Variants in ACSL1 observed in about 807,000 individuals in gnomAD.
ACSL1 encodes acyl-CoA synthetase long chain family member 1, also known as long-chain-fatty-acid--CoA ligase 1.
A neutral mutation model predicts 98.4 loss-of-function variants in ACSL1; 41 were observed. The observed-to-expected ratio is 0.42, with a 90% CI of 0.32 to 0.54. The LOEUF (loss-of-function observed/expected upper bound fraction) is 0.54. Among genes scored for constraint, ACSL1 ranks in the 20% least tolerant of loss-of-function variants. ACSL1 has a pLI of 0.13. For synonymous variants in ACSL1, 316 were observed against 322.7 expected, an observed-to-expected ratio of 0.98 and a Z score of 0.22; for missense variants, 734 against 883.1, an observed-to-expected ratio of 0.83 and a Z score of 2.14.
intron 5 of ACSL1, among the ~76,000 whole-genome samples, chr4:184,778,579 G>T (rs992010138): frequency 2.6e-5 from 4 of 152,006 alleles, no homozygotes; most frequent in African/African-American, 7.3e-5. Context: ...TAATCCTTCT[G>T]CCCTGCGCCC....
At chr4:184,797,826 C>A (rs191287135) in intron 2 of ACSL1, among the ~76,000 whole-genome samples, 63 of 152,272 alleles carry the variant, frequency 4.1e-4, no homozygotes, top group East Asian at 7.7e-4. Flanking sequence ...TGGTACTGTG[C>A]ACATCATGCC....
intron 1 of ACSL1, among the ~76,000 whole-genome samples, chr4:184,809,661 T>C (rs1579957629): frequency 6.6e-6 from 1 of 151,268 alleles, no homozygotes; most frequent in Non-Finnish European, 1.5e-5. Flanking sequence ...CCAGGCGTGG[T>C]GGCAGGCGCC....
Position 184,757,056 on chromosome 4 carries a change from A to G in ACSL1, c.*69T>C. Reference sequence around the variant, plus strand: ...ACACTTGCTGTATTCAAAATTAACAACATGAAGGCCATCAGCAGGAGAAGA... The same window carrying G: ...ACACTTGCTGTATTCAAAATTAACAGCATGAAGGCCATCAGCAGGAGAAGA... On this transcript the variant is annotated 3_prime_UTR_variant, in exon 21 of 21. Coordinates refer to ENST00000281455, the MANE Select transcript of ACSL1 (RefSeq NM_001995.5). The surrounding 1 kb of genome is among the most constrained non-coding windows in gnomAD (Gnocchi z 4.5). 6.8e-7 allele frequency: 1 copy of G among 1,479,962 alleles called. No homozygotes were observed. 91.7% of individuals were successfully genotyped at this position (1,479,962 alleles called of 1,614,324 possible).
At chr4:184,790,299 T>A (rs1468175684) in intron 2 of ACSL1, among the ~76,000 whole-genome samples, 2 of 152,252 alleles carry the variant, frequency 1.3e-5, no homozygotes, top group African/African-American at 4.8e-5. Context: ...TTTAAAAACA[T>A]TTAAGTGATA....
intron 4 of ACSL1, among the ~76,000 whole-genome samples, chr4:184,781,577 ATTTTC>A (rs1172171953): frequency 6.6e-6 from 1 of 151,744 alleles, no homozygotes; most frequent in Non-Finnish European, 1.5e-5. Context: ...CTTTGCAGTT[ATTTTC>A]TTTTCCTTTT....
intron 17 of ACSL1, 127 bp from the exon 18 acceptor site, chr4:184,760,627 G>A (rs1762729199): frequency 9.8e-6 from 13 of 1,330,000 alleles, no homozygotes; most frequent in Non-Finnish European, 1.3e-5. Context: ...ATCCCACAGA[G>A]GTCAGTTATG....
chr4:184,822,834 T>C (rs10011975), intron 1 of ACSL1, among the ~76,000 whole-genome samples: 7,994 of 152,276 alleles, frequency 0.052, 689 homozygotes, highest in African/African-American at 0.18. Context: ...TGCCATTATA[T>C]ACAACCCAAG....
intron 1 of ACSL1, among the ~76,000 whole-genome samples, chr4:184,824,205 A>T (rs1003241116): frequency 1.3e-5 from 2 of 152,084 alleles, no homozygotes; most frequent in African/African-American, 4.8e-5. Flanking sequence ...AGCTCATCAC[A>T]ACTTCTGCCT....
chr4:184,809,075 T>C (rs1308920804), intron 1 of ACSL1, among the ~76,000 whole-genome samples: 2 of 152,218 alleles, frequency 1.3e-5, no homozygotes, highest in Non-Finnish European at 2.9e-5. Context: ...CCACTTAATT[T>C]TCATTAAAGT....
At chr4:184,820,264 A>G (rs1180104102) in intron 1 of ACSL1, among the ~76,000 whole-genome samples, 199 of 151,760 alleles carry the variant, frequency 1.3e-3, no homozygotes, top group Admixed American at 3.2e-3. Context: ...TGATCCGCCC[A>G]CCTCGGCCTC....
chr4:184,826,119 C>CGCAGGCCCCGCCCCCG (rs1241485852), upstream of ACSL1: 14 of 127,724 alleles, frequency 1.1e-4, no homozygotes, highest in South Asian at 2.4e-4. Flanking sequence ...CCGCCCCGCC[C>CGCAGGCCCCGCCCCCG]GCAGGCCCCG....
In ACSL1 at chr4:184,766,067, G is replaced by C; in HGVS notation, c.1264-81C>G. The C allele has an allele frequency of 1.4e-6, 2 of 1,385,940 alleles. No homozygotes were observed. The highest frequency in any genetic ancestry group is 2.0e-6 in the Non-Finnish European group (2 of 989,018). The allele number at this position is 1,385,940 out of a possible 1,614,324, so 85.9% of individuals were successfully genotyped here. On this transcript the variant is annotated intron_variant, in intron 13 of 20. Coordinates refer to ENST00000281455, the MANE Select transcript of ACSL1 (RefSeq NM_001995.5). This position sits in a 1 kb window ranked among gnomAD's most constrained non-coding sequence, Gnocchi z 4.8. Reference sequence around the variant, plus strand: ...CCTCTCCGCCAAGGGGGCCTGCTTGGGACCCCGTTCCCTAACCCATAGCTG... The same window carrying C: ...CCTCTCCGCCAAGGGGGCCTGCTTGCGACCCCGTTCCCTAACCCATAGCTG...
intron 1 of ACSL1, among the ~76,000 whole-genome samples, chr4:184,815,954 C>T (rs1442982194): frequency 6.6e-6 from 1 of 151,996 alleles, no homozygotes; most frequent in African/African-American, 2.4e-5. Context: ...AACTCCATCT[C>T]TACTAAAAAT....
chr4:184,803,564 T>A lies in ACSL1; in HGVS notation c.-32-18A>T. 7.1e-7 allele frequency: 1 copy of A among 1,406,186 alleles called. No homozygotes were observed. The highest frequency in any genetic ancestry group is 9.3e-7 in the Non-Finnish European group (1 of 1,070,072). 87.1% of individuals were successfully genotyped at this position (1,406,186 alleles called of 1,614,324 possible). A position where few individuals can be genotyped will look rare whatever the true frequency, so the allele number is the denominator to read the frequency against. On this transcript the variant is annotated intron_variant, in intron 1 of 20. Coordinates refer to ENST00000281455, the MANE Select transcript of ACSL1 (RefSeq NM_001995.5). The surrounding 1 kb of genome is among the most constrained non-coding windows in gnomAD (Gnocchi z 4.8). The stretch of plus-strand genomic sequence containing the variant: ...GCTGAATTCTGTTGGGAGAGAAAAA[T>A]GTCACGTTCGTTCCAGGGAAGCAGG...
intron 1 of ACSL1, among the ~76,000 whole-genome samples, chr4:184,809,909 G>C (rs1466868359): frequency 6.6e-6 from 1 of 152,176 alleles, no homozygotes; most frequent in African/African-American, 2.4e-5. Context: ...GCCACTTTTT[G>C]AGGCATCGAA....
At chr4:184,758,840 T>G (rs1354672668) in intron 18 of ACSL1, 1 of 152,114 alleles carries the variant, frequency 6.6e-6, no homozygotes, top group East Asian at 1.9e-4. Flanking sequence ...GTTGGTGTGC[T>G]GCACCTGTTA....
At chr4:184,768,579 T>C (rs1763988547) in intron 11 of ACSL1, 129 bp from the exon 12 acceptor site, 1 of 1,341,452 alleles carries the variant, frequency 7.5e-7, no homozygotes, top group Non-Finnish European at 1.0e-6. Context: ...TTCCTAAATA[T>C]AGGTAACTTA....
At chr4:184,772,463 G>A (rs1360979603) in intron 10 of ACSL1, among the ~76,000 whole-genome samples, 1 of 152,188 alleles carries the variant, frequency 6.6e-6, no homozygotes, top group Non-Finnish European at 1.5e-5. Flanking sequence ...TTTTTAAAAG[G>A]CAAGTTTGGA....
chr4:184,784,382 T>C (rs1055183552), intron 3 of ACSL1, among the ~76,000 whole-genome samples: 1 of 152,210 alleles, frequency 6.6e-6, no homozygotes, highest in African/African-American at 2.4e-5. Context: ...TCAAAACTTT[T>C]CAAGAAGTCT....
Sources: allele counts gnomAD v4.1 joint callset (sites outside exome capture counted in the v4.1 genomes callset), GRCh38; gene constraint gnomAD v4.1.1; non-coding constraint Gnocchi (gnomAD v3.1); transcripts MANE v1.5; gene names NCBI Gene and HGNC (gene_info 2026-07-23, HGNC 2026-07-21).